Variants in HIF3A observed in about 807,000 individuals in gnomAD.
The protein encoded by HIF3A is hypoxia inducible factor 3 subunit alpha, also known as hypoxia-inducible factor 3-alpha.
HIF3A carries 41 observed loss-of-function variants against 67.2 expected under a neutral mutation model. That is an observed-to-expected ratio of 0.61 (90% confidence interval 0.48 to 0.79). The LOEUF (loss-of-function observed/expected upper bound fraction) is 0.79, where lower values mean the gene tolerates loss of function less well. HIF3A is among the 30% of genes least tolerant of loss of function. The pLI is 0.00. For missense variants in HIF3A, 855 were observed against 898.0 expected (o/e 0.95, Z 0.61); for synonymous variants, 356 against 374.8 (o/e 0.95, Z 0.58).
chr19:46,314,621 G>A (rs1237030541), intron 8 of HIF3A, among the ~76,000 whole-genome samples: 1 of 146,458 alleles, frequency 6.8e-6, no homozygotes, highest in Non-Finnish European at 1.5e-5. Context: ...GCACTGGCAC[G>A]ATCTCGGCTC....
rs1970397771 is a variant in HIF3A at position 46,321,888 on chromosome 19, A to G, written c.1257A>G (p.Gly419=). The change falls in exon 10 of 15, where the codon GGA becomes GGG. Residue 419 remains glycine (G), a synonymous_variant. Transcript: ENST00000377670. ...FCSPDLRRLL[G]PILDGASVAA... ...GCCCTGACCTCCGTCGCCTCCTGGG[A>G]CCCATCCTGGATGGGGCTTCAGTAG... 6.2e-7 allele frequency: 1 copy of G among 1,613,554 alleles called. No individual in the cohort carries two copies. Among genetic ancestry groups the G allele is most frequent in the Admixed American group, 1.7e-5 (1 of 59,962 alleles).
At chr19:46,331,531 A>C (rs1434709692) in intron 13 of HIF3A, 4 of 236,942 alleles carry the variant, frequency 1.7e-5, no homozygotes, top group African/African-American at 6.9e-5. Context: ...AAAAAAAAAA[A>C]AAAAAAAAAA....
Position 46,343,124 on chromosome 19 carries a change from AC to A in HIF3A, c.*3508del, listed in dbSNP as rs777285378. ...CTGCCACCATCTATGTGCCTCCCTTACCCCCCAGCTTTCTTTCTACAGATGG... is the reference window on the plus strand; with the variant it reads ...CTGCCACCATCTATGTGCCTCCCTTACCCCCAGCTTTCTTTCTACAGATGG... On this transcript the variant is annotated 3_prime_UTR_variant, in exon 15 of 15. Coordinates refer to ENST00000377670, the MANE Select transcript of HIF3A (RefSeq NM_152795.4). The A allele has an allele frequency of 3.1e-4, 47 of 151,782 alleles. No homozygotes were observed. The South Asian group carries it at 9.7e-3, about 31-fold the overall frequency. 9.4% of individuals were successfully genotyped at this position (151,782 alleles called of 1,614,324 possible).
intron 8 of HIF3A, 85 bp from the exon 9 acceptor site, chr19:46,320,358 A>G: frequency 9.7e-7 from 1 of 1,029,252 alleles, no homozygotes; most frequent in South Asian, 1.4e-5. Context: ...TGCCTTCTGT[A>G]ATAGGACATC....
chr19:46,331,724 G>A (rs543427363), intron 13 of HIF3A, among the ~76,000 whole-genome samples: 7 of 151,518 alleles, frequency 4.6e-5, no homozygotes, highest in African/African-American at 9.7e-5. Context: ...GCATGGTGGC[G>A]CATGCCTGTA....
chr19:46,309,375 C>T lies in HIF3A; in HGVS notation c.770+16C>T, dbSNP rs766442059. On this transcript the variant is annotated intron_variant, in intron 6 of 14. Coordinates refer to ENST00000377670, the MANE Select transcript of HIF3A (RefSeq NM_152795.4). ...GTGACGACAGGTGGGCAGGGGCCCC[C>T]TCTTCCGTCTGCCCAAGTTCAAGTG... The T allele has an allele frequency of 6.4e-7, 1 of 1,565,324 alleles. No individual in the cohort carries two copies. Among genetic ancestry groups the T allele is most frequent in the Non-Finnish European group, 8.7e-7 (1 of 1,153,284 alleles).
intron 5 of HIF3A, 63 bp downstream of exon 5, chr19:46,308,838 C>G: frequency 8.7e-7 from 1 of 1,153,498 alleles, no homozygotes; most frequent in African/African-American, 1.5e-5. Context: ...CCTGAAAGAT[C>G]TTGAAGGGTG....
chr19:46,302,600 G>A (rs11883335), intron 1 of HIF3A, among the ~76,000 whole-genome samples: 104 of 152,300 alleles, frequency 6.8e-4, no homozygotes, highest in African/African-American at 2.4e-3. Context: ...GAGGCCAGGC[G>A]TGGTGGCTTA....
At chr19:46,319,573 A>G (rs1970199101) in intron 8 of HIF3A, among the ~76,000 whole-genome samples, 1 of 152,210 alleles carries the variant, frequency 6.6e-6, no homozygotes, top group Non-Finnish European at 1.5e-5. Flanking sequence ...GAAACAGCAT[A>G]AATAAAATCT....
intron 8 of HIF3A, among the ~76,000 whole-genome samples, chr19:46,317,083 A>T (rs1020068287): frequency 1.3e-5 from 2 of 151,274 alleles, no homozygotes; most frequent in African/African-American, 4.9e-5. Flanking sequence ...ACCATGCCTA[A>T]TTTTTTTTTG....
rs781391267 is a variant in HIF3A at position 46,321,786 on chromosome 19, C to A, written c.1155C>A (p.Gly385=). 5.0e-6 allele frequency: 8 copies of A among 1,612,890 alleles called. No individual in the cohort carries two copies. In the Admixed American group the frequency reaches 1.2e-4, roughly 24 times the overall value. ...CCATGTGTCCTGCAGACACCCCTGG[C>A]CCCCGGATCCTTGCCTTCCTGCACC... ...PNPGDSLDTP[G]PRILAFLHPP... The change falls in exon 10 of 15, where the codon GGC becomes GGA. Residue 385 remains glycine, a synonymous_variant. Transcript: ENST00000377670.
intron 8 of HIF3A, chr19:46,312,882 A>ATTTT (rs531816670): frequency 1.4e-4 from 127 of 879,000 alleles, no homozygotes; most frequent in African/African-American, 3.6e-4. Context: ...TAGACTGTTA[A>ATTTT]TTTTTTTTTT....
intron 8 of HIF3A, among the ~76,000 whole-genome samples, chr19:46,313,705 A>G (rs1969678099): frequency 7.3e-6 from 1 of 137,768 alleles, no homozygotes; most frequent in Non-Finnish European, 1.5e-5. Context: ...TGCCCTCGTC[A>G]CTCAGGCTGG....
At position 46,312,535 on chromosome 19, in the gene HIF3A, C is replaced by T. The variant is rs755973144; in HGVS notation, c.907C>T (p.Gln303Ter). ...LLSKGQAVTGQYRFLARSGGY... is the reference protein window; with the variant it reads ...LLSKGQAVTG ...GAGCAAGGGCCAGGCAGTAACAGGG[C>T]AGTATCGCTTCCTGGCCCGGAGTGG... The change falls in exon 8 of 15, where the codon CAG (glutamine) becomes TAG (stop). Residue 303 changes from glutamine to a stop codon, truncating the protein, a stop_gained. Transcript: ENST00000377670. LOFTEE classifies it high-confidence loss of function. 17 of 1,613,912 alleles carry T rather than the reference C, an allele frequency of 1.1e-5. No individual in the cohort carries two copies. The highest frequency in any genetic ancestry group is 1.4e-5 in the Non-Finnish European group (17 of 1,180,008).
chr19:46,309,505 G>A (rs1969241200), intron 6 of HIF3A, 146 bp downstream of exon 6: 2 of 608,570 alleles, frequency 3.3e-6, no homozygotes, highest in Non-Finnish European at 5.7e-6. Context: ...GCCTGTCTCT[G>A]AATTTTCTAC....
Position 46,321,762 on chromosome 19 carries a change from C to T in HIF3A, c.1145-14C>T. 6.2e-7 allele frequency: 1 copy of T among 1,610,442 alleles called. No individual in the cohort carries two copies. The highest frequency in any genetic ancestry group is 8.5e-7 in the Non-Finnish European group (1 of 1,178,048). On this transcript the variant is annotated splice_polypyrimidine_tract_variant and intron_variant, in intron 9 of 14. Transcript: ENST00000377670. ...CACCAGCCCGTGTCCTCCCCATCTC[C>T]ATGTGTCCTGCAGACACCCCTGGCC...
intron 3 of HIF3A, among the ~76,000 whole-genome samples, chr19:46,307,807 G>A (rs1240744583): frequency 1.3e-5 from 2 of 151,860 alleles, no homozygotes; most frequent in Non-Finnish European, 2.9e-5. Flanking sequence ...TGTAGTCCCA[G>A]CTACTGAGGA....
intron 12 of HIF3A, among the ~76,000 whole-genome samples, chr19:46,329,979 TAGAG>T (rs796809090): frequency 5.6e-5 from 3 of 53,224 alleles, no homozygotes; most frequent in African/African-American, 1.4e-4. Context: ...AAAAAAAAGA[TAGAG>T]AGAGAGAGAG....
rs183151608 is a variant in HIF3A at position 46,337,257 on chromosome 19, G to A, written c.1913-2268G>A. Reference sequence around the variant, plus strand: ...TGGGGACTGTATCTATCTTTTTTGGGGTGTGGGGGGACAGGGTGTGTCTTG... The same window carrying A: ...TGGGGACTGTATCTATCTTTTTTGGAGTGTGGGGGGACAGGGTGTGTCTTG... On this transcript the variant is annotated intron_variant, in intron 14 of 14. Transcript: ENST00000377670. Among the ~76,000 whole-genome samples the A allele has an allele frequency of 4.6e-5, 7 of 151,928 alleles. No individual in the cohort carries two copies. The East Asian group carries it at 1.4e-3, about 29-fold the overall frequency.
Sources: gnomAD v4.1 joint callset for allele counts (sites outside exome capture counted in the v4.1 genomes callset) on GRCh38, gnomAD v4.1.1 for gene constraint, MANE v1.5 for transcripts, NCBI Gene and HGNC (gene_info 2026-07-23, HGNC 2026-07-21) for gene names.